CDH13: variants seen among roughly 807,000 people sequenced by gnomAD.
The protein encoded by CDH13 is cadherin 13, also known as cadherin-13.
A neutral mutation model predicts 63.8 loss-of-function variants in CDH13; 24 were observed. That is an observed-to-expected ratio of 0.38 (90% CI 0.27 to 0.53). The LOEUF (loss-of-function observed/expected upper bound fraction) is 0.53, where lower values mean the gene tolerates loss of function less well. CDH13 is among the 20% of genes least tolerant of loss of function. The pLI, the probability that CDH13 is intolerant of heterozygous loss-of-function variation, is 0.85. For synonymous variants in CDH13, 503 were observed against 355.3 expected, an observed-to-expected ratio of 1.42 and a Z score of -4.67; for missense variants, 1,049 against 903.1, an observed-to-expected ratio of 1.16 and a Z score of -2.07.
chr16:83,696,519 A>T (rs1905432464), intron 10 of CDH13, among the ~76,000 whole-genome samples: 1 of 152,132 alleles, frequency 6.6e-6, no homozygotes. Context: ...GTTCACTGGG[A>T]GTGGGGACTT....
At chr16:83,118,675 A>T (rs1239836933) in intron 3 of CDH13, among the ~76,000 whole-genome samples, 2 of 151,992 alleles carry the variant, frequency 1.3e-5, no homozygotes, top group Admixed American at 1.3e-4. Flanking sequence ...GAGAGTGCAG[A>T]CCACTTTCAC....
chr16:83,403,927 TATA>T (rs1341985826), intron 6 of CDH13, among the ~76,000 whole-genome samples: 2 of 152,230 alleles, frequency 1.3e-5, no homozygotes, highest in Admixed American at 6.5e-5. Context: ...CACAAGAAGA[TATA>T]ATGACACAGC....
chr16:82,768,300 A>G (rs1248257639), intron 1 of CDH13, among the ~76,000 whole-genome samples: 2 of 152,172 alleles, frequency 1.3e-5, no homozygotes, highest in Non-Finnish European at 2.9e-5. Flanking sequence ...CTAGTTGATA[A>G]TGATGCCTCT....
rs1370627250 is a variant in CDH13, at chr16:82,822,796, A to G, written c.46-35566A>G. Among the ~76,000 whole-genome samples the G allele has an allele frequency of 2.0e-5, 3 of 152,346 alleles. 1 individual carries two copies. The highest frequency in any genetic ancestry group is 4.1e-4 in the South Asian group (2 of 4,832). On this transcript the variant is annotated intron_variant, in intron 1 of 13. Coordinates refer to ENST00000567109, the MANE Select transcript of CDH13 (RefSeq NM_001257.5). ...AGGCATAAGCCACCATGCCCAGTCT[A>G]TCTACTTATTTTGAAGCAAATTAGT...
intron 8 of CDH13, among the ~76,000 whole-genome samples, chr16:83,665,218 T>C (rs1018373663): frequency 6.6e-6 from 1 of 151,940 alleles, no homozygotes; most frequent in Non-Finnish European, 1.5e-5. Context: ...ATAAAATACA[T>C]ATATACATAA....
intron 7 of CDH13, among the ~76,000 whole-genome samples, chr16:83,500,471 T>C: frequency 1.3e-4 from 1 of 7,726 alleles, no homozygotes; most frequent in Non-Finnish European, 2.2e-4. Flanking sequence ...CTCCTCCCCC[T>C]CCTTCTCCCC....
At chr16:83,431,141 G>C (rs542100769) in intron 6 of CDH13, among the ~76,000 whole-genome samples, 1 of 151,796 alleles carries the variant, frequency 6.6e-6, no homozygotes, top group East Asian at 1.9e-4. Flanking sequence ...TACAAAGGAC[G>C]TGAACTCATC....
rs902595906 is a variant in CDH13 at position 82,644,341 on chromosome 16, G to A, written c.45+17204G>A. ...CGAACTCCTCCCACCCCTGCCTTCT[G>A]CGTCTCCCTCTGTGCTCTCCATCAC... is the stretch of plus-strand genomic sequence containing the variant. On this transcript the variant is annotated intron_variant, in intron 1 of 13. Coordinates refer to ENST00000567109, the MANE Select transcript of CDH13 (RefSeq NM_001257.5). The surrounding 1 kb of genome is among the most constrained non-coding windows in gnomAD (Gnocchi z 5.7). Among the ~76,000 whole-genome samples the A allele has an allele frequency of 6.6e-6, 1 of 152,010 alleles. No individual in the cohort carries two copies. The highest frequency in any genetic ancestry group is 1.5e-5 in the Non-Finnish European group (1 of 67,996).
intron 5 of CDH13, among the ~76,000 whole-genome samples, chr16:83,295,843 A>G (rs1030275211): frequency 2.0e-5 from 3 of 152,188 alleles, no homozygotes; most frequent in Non-Finnish European, 4.4e-5. Context: ...AATAACATCA[A>G]TATGTCAAAG....
chr16:82,741,302 T>G (rs2033921483), intron 1 of CDH13, among the ~76,000 whole-genome samples: 1 of 152,240 alleles, frequency 6.6e-6, no homozygotes, highest in South Asian at 2.1e-4. Flanking sequence ...TTATTTCCTT[T>G]GCTGGGACAC....
intron 1 of CDH13, among the ~76,000 whole-genome samples, chr16:82,847,237 C>G (rs2039299530): frequency 6.6e-6 from 1 of 152,184 alleles, no homozygotes; most frequent in Admixed American, 6.5e-5. Context: ...TAACAAATGA[C>G]CACAAATTTA....
chr16:83,053,546 A>G (rs1218848886), intron 3 of CDH13, among the ~76,000 whole-genome samples: 2 of 152,194 alleles, frequency 1.3e-5, no homozygotes, highest in African/African-American at 4.8e-5. Flanking sequence ...GATTGGCTGA[A>G]TTTTAAAGCA....
At chr16:83,256,389 C>G (rs549200739) in intron 5 of CDH13, among the ~76,000 whole-genome samples, 1 of 152,058 alleles carries the variant, frequency 6.6e-6, no homozygotes, top group Admixed American at 6.6e-5. Context: ...TCCCTGAGAT[C>G]GTCAGGACCC....
intron 5 of CDH13, among the ~76,000 whole-genome samples, chr16:83,317,350 G>C (rs1443884268): frequency 6.6e-6 from 1 of 152,184 alleles, no homozygotes; most frequent in East Asian, 1.9e-4. Context: ...CAAAGACTTT[G>C]AATGTGGAAC....
chr16:82,839,994 C>G (rs1372647761), intron 1 of CDH13, among the ~76,000 whole-genome samples: 1 of 152,150 alleles, frequency 6.6e-6, no homozygotes, highest in Non-Finnish European at 1.5e-5. Flanking sequence ...AATTGAACTT[C>G]TGGACTCAAA....
chr16:83,083,461 C>T (rs542959599), intron 3 of CDH13, among the ~76,000 whole-genome samples: 13 of 152,174 alleles, frequency 8.5e-5, no homozygotes, highest in Non-Finnish European at 1.8e-4. Context: ...GGAACAAAAT[C>T]CTTGCCCCCA....
At chr16:82,901,584 G>C (rs1013953184) in intron 2 of CDH13, among the ~76,000 whole-genome samples, 4 of 152,088 alleles carry the variant, frequency 2.6e-5, no homozygotes, top group Non-Finnish European at 1.5e-5. Context: ...CCTGAAAAAG[G>C]CATGTTGCTT....
chr16:83,382,719 A>G (rs2091592666), intron 6 of CDH13, among the ~76,000 whole-genome samples: 1 of 152,124 alleles, frequency 6.6e-6, no homozygotes, highest in Non-Finnish European at 1.5e-5. Context: ...ACAGTGAGAA[A>G]TCTTCATTAA....
chr16:83,656,581 A>G (rs1220586182), intron 8 of CDH13, among the ~76,000 whole-genome samples: 2 of 152,186 alleles, frequency 1.3e-5, no homozygotes, highest in Admixed American at 6.5e-5. Context: ...CCCCTGAGCC[A>G]TGTTAAGAAA....
Sources: allele counts gnomAD v4.1 joint callset (sites outside exome capture counted in the v4.1 genomes callset), GRCh38; gene constraint gnomAD v4.1.1; non-coding constraint Gnocchi (gnomAD v3.1); transcripts MANE v1.5; gene names NCBI Gene and HGNC (gene_info 2026-07-23, HGNC 2026-07-21).